The following CACNA2D1 variants were observed in gnomAD, a reference collection of about 807,000 sequenced individuals.
The protein encoded by CACNA2D1 is calcium voltage-gated channel auxiliary subunit alpha2delta 1, also known as voltage-dependent calcium channel subunit alpha-2/delta-1.
CACNA2D1 carries 53 observed loss-of-function variants against 171.5 expected under a neutral mutation model. That is an observed-to-expected ratio of 0.31 (90% CI 0.25 to 0.39). The LOEUF is 0.39. Ranked by LOEUF, CACNA2D1 falls within the 10% of genes least tolerant of loss-of-function variation. The probability of loss-of-function intolerance (pLI) is 1.00; values close to 1 mark genes in which losing one functional copy is unlikely to be tolerated. For missense variants in CACNA2D1, 903 were observed against 1,299.8 expected (o/e 0.69, Z 4.69); for synonymous variants, 442 against 443.1 (o/e 1.00, Z 0.03).
chr7:82,087,385 C>A (rs1810599232), intron 6 of CACNA2D1, among the ~76,000 whole-genome samples: 1 of 152,102 alleles, frequency 6.6e-6, no homozygotes, highest in South Asian at 2.1e-4. Flanking sequence ...ATCGTGTTCA[C>A]TGAACAATGT....
At chr7:82,098,476 AG>A (rs1487374548) in intron 6 of CACNA2D1, among the ~76,000 whole-genome samples, 5 of 152,182 alleles carry the variant, frequency 3.3e-5, no homozygotes, top group Non-Finnish European at 5.9e-5. Context: ...TCATGTACCC[AG>A]GGATAGAACG....
At chr7:82,012,286 A>G (rs1278346914) in intron 14 of CACNA2D1, 43 bp from the exon 15 acceptor site, 4 of 1,018,410 alleles carry the variant, frequency 3.9e-6, no homozygotes, top group Non-Finnish European at 6.2e-6. Flanking sequence ...TAAAACTAGG[A>G]ATGCTGTGTT....
chr7:81,965,001 T>G (rs1032540125), intron 32 of CACNA2D1, among the ~76,000 whole-genome samples: 4 of 151,748 alleles, frequency 2.6e-5, no homozygotes, highest in Admixed American at 6.6e-5. Flanking sequence ...AAAACGAACT[T>G]GTAGGGGCTG....
chr7:82,187,082 T>C (rs1258460574), intron 3 of CACNA2D1, among the ~76,000 whole-genome samples: 4 of 152,174 alleles, frequency 2.6e-5, no homozygotes, highest in African/African-American at 7.2e-5. Context: ...TTAAGATCCA[T>C]GTATCTAAAC....
At chr7:82,305,717 A>G (rs1048570193) in intron 3 of CACNA2D1, among the ~76,000 whole-genome samples, 2 of 152,192 alleles carry the variant, frequency 1.3e-5, no homozygotes, top group Non-Finnish European at 2.9e-5. Flanking sequence ...GTGTGCACAA[A>G]TAATAAATTT....
At chr7:82,347,093 A>G (rs1819341770) in intron 2 of CACNA2D1, among the ~76,000 whole-genome samples, 1 of 152,178 alleles carries the variant, frequency 6.6e-6, no homozygotes, top group South Asian at 2.1e-4. Context: ...ATCAGGGACA[A>G]TAGTCCTAAA....
rs184198237 is a variant in CACNA2D1 at position 82,374,979 on chromosome 7, G to A, written c.96-25330C>T. ...AGTACGTAGCTGGATTTAGAATTCA[G>A]AAAACAGATTCCAGTTTTCTAATCC... On this transcript the variant is annotated intron_variant, in intron 1 of 38. Coordinates refer to ENST00000356860, the MANE Select transcript of CACNA2D1 (RefSeq NM_000722.4). Among the ~76,000 whole-genome samples, 8 of 152,222 alleles carry A rather than the reference G, an allele frequency of 5.3e-5. No homozygotes were observed. The East Asian group carries it at 1.5e-3, about 29-fold the overall frequency.
intron 4 of CACNA2D1, among the ~76,000 whole-genome samples, chr7:82,145,505 GTGTA>G (rs989809146): frequency 6.3e-5 from 9 of 142,654 alleles, no homozygotes; most frequent in Non-Finnish European, 1.2e-4. Flanking sequence ...TACAGAATGT[GTGTA>G]TGTATGTATA....
chr7:82,429,348 A>T (rs926547148), intron 1 of CACNA2D1, among the ~76,000 whole-genome samples: 1 of 151,798 alleles, frequency 6.6e-6, no homozygotes, highest in Non-Finnish European at 1.5e-5. Flanking sequence ...TGACTGATGT[A>T]TGTGTTTCTC....
chr7:82,020,504 T>C (rs1801054252), intron 12 of CACNA2D1, among the ~76,000 whole-genome samples: 1 of 152,126 alleles, frequency 6.6e-6, no homozygotes, highest in African/African-American at 2.4e-5. Flanking sequence ...CATTAATATA[T>C]GGAAATTGTA....
intron 6 of CACNA2D1, among the ~76,000 whole-genome samples, chr7:82,099,853 T>C (rs1354765875): frequency 6.6e-6 from 1 of 152,148 alleles, no homozygotes; most frequent in Non-Finnish European, 1.5e-5. Flanking sequence ...TTAATACATG[T>C]ACAATTAATG....
chr7:82,384,627 T>C (rs1361602786), intron 1 of CACNA2D1, among the ~76,000 whole-genome samples: 7 of 147,686 alleles, frequency 4.7e-5, no homozygotes. Context: ...GGAGGAAAAG[T>C]GAAGTGAAGA....
chr7:82,428,488 C>A (rs1829395457), intron 1 of CACNA2D1, among the ~76,000 whole-genome samples: 2 of 152,138 alleles, frequency 1.3e-5, no homozygotes. Flanking sequence ...GTGTTCTAAT[C>A]AGATAAATGT....
At position 82,318,405 on chromosome 7, in the gene CACNA2D1, C is replaced by T. The variant is rs1815369905; in HGVS notation, c.294+16730G>A. ...ATAAAAGCCCCAGCACACTATGTGG[C>T]TTGCAGATACTCTAAAATTCTTGTT... On this transcript the variant is annotated intron_variant, in intron 3 of 38. Coordinates refer to ENST00000356860, the MANE Select transcript of CACNA2D1 (RefSeq NM_000722.4). Among the ~76,000 whole-genome samples, 8 of 152,292 alleles carry T rather than the reference C, an allele frequency of 5.3e-5. No individual in the cohort carries two copies. The South Asian group carries it at 1.7e-3, about 32-fold the overall frequency.
intron 3 of CACNA2D1, among the ~76,000 whole-genome samples, chr7:82,282,629 T>C (rs1019273160): frequency 4.7e-5 from 7 of 150,332 alleles, no homozygotes; most frequent in African/African-American, 1.7e-4. Flanking sequence ...GTTCATATAC[T>C]GCCAACAAAT....
At chr7:82,291,179 T>TCTATATCGATATAGAATTATAATC (rs1811502416) in intron 3 of CACNA2D1, among the ~76,000 whole-genome samples, 1 of 125,516 alleles carries the variant, frequency 8.0e-6, no homozygotes, top group Non-Finnish European at 1.7e-5. Flanking sequence ...GAATTATAAT[T>TCTATATCGATATAGAATTATAATC]CTATATCGAT....
At chr7:82,288,167 G>A (rs921977162) in intron 3 of CACNA2D1, among the ~76,000 whole-genome samples, 1 of 151,992 alleles carries the variant, frequency 6.6e-6, no homozygotes, top group Non-Finnish European at 1.5e-5. Flanking sequence ...AGGTCTTCAA[G>A]TGCCATAGAG....
intron 6 of CACNA2D1, among the ~76,000 whole-genome samples, chr7:82,116,164 A>G (rs1371174116): frequency 6.6e-6 from 1 of 152,206 alleles, no homozygotes; most frequent in Non-Finnish European, 1.5e-5. Flanking sequence ...GTGAGAAGGC[A>G]GGGAACGAGG....
intron 21 of CACNA2D1, 137 bp downstream of exon 21, chr7:81,991,048 A>C (rs1797491953): frequency 1.9e-6 from 1 of 539,112 alleles, no homozygotes; most frequent in African/African-American, 1.9e-5. Flanking sequence ...TCCATTTTAA[A>C]AATTAGTCTA....
Sources: gnomAD v4.1 joint callset for allele counts (sites outside exome capture counted in the v4.1 genomes callset) on GRCh38, gnomAD v4.1.1 for gene constraint, MANE v1.5 for transcripts, NCBI Gene and HGNC (gene_info 2026-07-23, HGNC 2026-07-21) for gene names.